The following UBTD1 variants were observed in gnomAD, a reference collection of about 807,000 sequenced individuals.
UBTD1 encodes ubiquitin domain containing 1.
In UBTD1, 19 loss-of-function variants were observed where a neutral mutation model predicts 21.7. The observed-to-expected ratio is 0.87, with a 90% CI of 0.61 to 1.28. UBTD1 has a LOEUF of 1.28. Ranked by LOEUF, UBTD1 falls within the 50% of genes most tolerant of loss-of-function variation. The probability of loss-of-function intolerance (pLI) is 0.00; values close to 1 mark genes in which losing one functional copy is unlikely to be tolerated. For synonymous variants in UBTD1, 116 were observed against 135.1 expected, an observed-to-expected ratio of 0.86 and a Z score of 0.98; for missense variants, 282 against 315.1, an observed-to-expected ratio of 0.89 and a Z score of 0.80.
At chr10:97,522,858 G>A (rs2040471871) in intron 1 of UBTD1, among the ~76,000 whole-genome samples, 1 of 152,196 alleles carries the variant, frequency 6.6e-6, no homozygotes, top group Admixed American at 6.5e-5. Context: ...GAGTGCCACA[G>A]AGGAGGGCCA....
At position 97,559,008 on chromosome 10, in the gene UBTD1, G is replaced by A. The variant is rs190254847; in HGVS notation, c.71-8906G>A. 2.4e-3 allele frequency among the ~76,000 whole-genome samples: 362 copies of A among 152,274 alleles called. No homozygotes were observed. In the Middle Eastern group the frequency reaches 0.024, roughly 10 times the overall value. On this transcript the variant is annotated intron_variant, in intron 1 of 2. Coordinates refer to ENST00000370664, the MANE Select transcript of UBTD1 (RefSeq NM_024954.5). ...TCCACCACAATACCACCACGCATCC[G>A]CTCGGGGATGAACAAGGGCTGACTG...
chr10:97,558,781 T>C (rs1234622802), intron 1 of UBTD1, among the ~76,000 whole-genome samples: 1 of 152,206 alleles, frequency 6.6e-6, no homozygotes, highest in Admixed American at 6.5e-5. Context: ...AGCTTTAAAT[T>C]GATCTGGTAT....
intron 1 of UBTD1, among the ~76,000 whole-genome samples, chr10:97,512,879 T>A (rs1326229210): frequency 6.6e-6 from 1 of 152,242 alleles, no homozygotes; most frequent in African/African-American, 2.4e-5. Flanking sequence ...AAAGGCCCTG[T>A]CCTTCATGTG....
At chr10:97,566,114 T>C (rs1472971385) in intron 1 of UBTD1, among the ~76,000 whole-genome samples, 3 of 152,194 alleles carry the variant, frequency 2.0e-5, no homozygotes, top group Non-Finnish European at 4.4e-5. Context: ...AAAAATCTCC[T>C]TGGTCATTCT....
intron 1 of UBTD1, among the ~76,000 whole-genome samples, chr10:97,515,827 T>C (rs1212796448): frequency 6.6e-6 from 1 of 152,060 alleles, no homozygotes; most frequent in African/African-American, 2.4e-5. Flanking sequence ...TCTACTCAGC[T>C]CCAGCCAAGG....
In UBTD1 at chr10:97,504,283, T is replaced by A. The variant is rs146878973; in HGVS notation, c.70+5010T>A. ...CATCCCACTAGCCAGCGTGATACTCTAAACTGTAAGTCAGATTTCATTACT... is the reference window on the plus strand; with the variant it reads ...CATCCCACTAGCCAGCGTGATACTCAAAACTGTAAGTCAGATTTCATTACT... On this transcript the variant is annotated intron_variant, in intron 1 of 2. Transcript: ENST00000370664. Among the ~76,000 whole-genome samples the A allele has an allele frequency of 2.4e-3, 364 of 149,692 alleles. 1 individual carries two copies. In the Middle Eastern group the frequency reaches 0.054, roughly 22 times the overall value.
intron 1 of UBTD1, among the ~76,000 whole-genome samples, chr10:97,566,152 G>A (rs1175204440): frequency 1.3e-5 from 2 of 151,820 alleles, no homozygotes; most frequent in Non-Finnish European, 2.9e-5. Flanking sequence ...TATTTTTAAG[G>A]CCCTCATCCC....
chr10:97,564,799 G>T (rs2040709789), intron 1 of UBTD1, among the ~76,000 whole-genome samples: 1 of 152,118 alleles, frequency 6.6e-6, no homozygotes, highest in Non-Finnish European at 1.5e-5. Context: ...CCTGACCTCA[G>T]GTGATCTGCC....
intron 1 of UBTD1, among the ~76,000 whole-genome samples, chr10:97,559,851 TA>T (rs1433182311): frequency 6.6e-6 from 1 of 152,210 alleles, no homozygotes; most frequent in Non-Finnish European, 1.5e-5. Flanking sequence ...ATTAACGTTT[TA>T]AAACTTGCTT....
chr10:97,549,017 G>A (rs137892129), intron 1 of UBTD1, among the ~76,000 whole-genome samples: 4 of 152,280 alleles, frequency 2.6e-5, no homozygotes, highest in Non-Finnish European at 4.4e-5. Flanking sequence ...CCAGGCAGCC[G>A]ACCCCGTGAA....
At chr10:97,562,304 G>C (rs7475851) in intron 1 of UBTD1, among the ~76,000 whole-genome samples, 86,431 of 152,108 alleles carry the variant, frequency 0.57, 27,169 homozygotes, top group Non-Finnish European at 0.72. Context: ...TCGGTGTCAC[G>C]CGCATCCATG....
At chr10:97,557,647 A>T (rs935623675) in intron 1 of UBTD1, among the ~76,000 whole-genome samples, 1 of 152,096 alleles carries the variant, frequency 6.6e-6, no homozygotes, top group Non-Finnish European at 1.5e-5. Context: ...ATCAAATTTT[A>T]AGGTTACATT....
chr10:97,569,324 G>A (rs7902642), intron 2 of UBTD1, among the ~76,000 whole-genome samples: 41,055 of 152,178 alleles, frequency 0.27, 5,816 homozygotes, highest in East Asian at 0.49. Flanking sequence ...ATTTCTCCAT[G>A]CATTACGTTT....
At chr10:97,529,742 A>AGGGAGAGGGAGACCGTG (rs398046190) in intron 1 of UBTD1, among the ~76,000 whole-genome samples, 94 of 53,166 alleles carry the variant, frequency 1.8e-3, no homozygotes, top group African/African-American at 3.7e-3. Context: ...GTGGAAAGAG[A>AGGGAGAGGGAGACCGTG]GGGAGAGGGA....
At chr10:97,500,116 A>G (rs1454841773) in intron 1 of UBTD1, among the ~76,000 whole-genome samples, 1 of 152,212 alleles carries the variant, frequency 6.6e-6, no homozygotes, top group African/African-American at 2.4e-5. Flanking sequence ...AGATGGACCC[A>G]TCTCCTACTC....
At chr10:97,499,928 G>GAAC (rs2040342600) in intron 1 of UBTD1, among the ~76,000 whole-genome samples, 1 of 152,086 alleles carries the variant, frequency 6.6e-6, no homozygotes, top group Non-Finnish European at 1.5e-5. Flanking sequence ...GATCCTCCAG[G>GAAC]CCCGCGCAAC....
chr10:97,523,785 G>A (rs1163592690), intron 1 of UBTD1, among the ~76,000 whole-genome samples: 1 of 151,982 alleles, frequency 6.6e-6, no homozygotes, highest in African/African-American at 2.4e-5. Context: ...GTGGTGCAGG[G>A]TGTAGCAGAC....
At chr10:97,528,260 C>G (rs1276860656) in intron 1 of UBTD1, among the ~76,000 whole-genome samples, 1 of 115,404 alleles carries the variant, frequency 8.7e-6, no homozygotes. Flanking sequence ...CGGGCAGAGG[C>G]GCCCCTCACC....
At chr10:97,562,570 T>G (rs2040697934) in intron 1 of UBTD1, among the ~76,000 whole-genome samples, 1 of 152,138 alleles carries the variant, frequency 6.6e-6, no homozygotes, top group African/African-American at 2.4e-5. Context: ...ACAAAATACC[T>G]TCTCAAGGGT....
Sources: gnomAD v4.1 joint callset for allele counts (sites outside exome capture counted in the v4.1 genomes callset) on GRCh38, gnomAD v4.1.1 for gene constraint, MANE v1.5 for transcripts, NCBI Gene and HGNC (gene_info 2026-07-23, HGNC 2026-07-21) for gene names.